LRRC27: variants seen among roughly 807,000 people sequenced by gnomAD.
LRRC27 encodes the protein leucine-rich repeat-containing protein 27.
In LRRC27, 57 loss-of-function variants were observed where a neutral mutation model predicts 55.0. The ratio of observed to expected loss-of-function variants is 1.04; its 90% CI spans 0.84 to 1.29. The LOEUF (loss-of-function observed/expected upper bound fraction) is 1.29. Ranked by LOEUF, LRRC27 falls within the 50% of genes most tolerant of loss-of-function variation. LRRC27 has a pLI of 0.00. For synonymous variants in LRRC27, 278 were observed against 251.9 expected, an observed-to-expected ratio of 1.10 and a Z score of -0.98; for missense variants, 721 against 651.5, an observed-to-expected ratio of 1.11 and a Z score of -1.16.
Position 132,374,301 on chromosome 10 carries a change from C to T in LRRC27, c.1417-765C>T, listed in dbSNP as rs1406430075. Reference sequence around the variant, plus strand: ...CACTGGAGGTAGTGTCCAACCTGTGCCCCCAGCAAGGCAAGCCGGGGAGGG... The same window carrying T: ...CACTGGAGGTAGTGTCCAACCTGTGTCCCCAGCAAGGCAAGCCGGGGAGGG... On this transcript the variant is annotated intron_variant, in intron 10 of 10. Coordinates refer to ENST00000368614, the MANE Select transcript of LRRC27 (RefSeq NM_030626.3). This position sits in a 1 kb window ranked among gnomAD's most constrained non-coding sequence, Gnocchi z 4.4. Among the ~76,000 whole-genome samples, 4 of 152,216 alleles carry T rather than the reference C, an allele frequency of 2.6e-5. No homozygotes were observed. The highest frequency in any genetic ancestry group is 1.3e-4 in the Admixed American group (2 of 15,298).
rs140669002 is a variant in LRRC27 at position 132,339,829 on chromosome 10, A to C, written c.341+2134A>C. 3.3e-3 allele frequency among the ~76,000 whole-genome samples: 499 copies of C among 152,304 alleles called. 5 individuals carry two copies. The highest frequency in any genetic ancestry group is 0.011 in the African/African-American group (473 of 41,548). On this transcript the variant is annotated intron_variant, in intron 3 of 10. Transcript: ENST00000368614. ...CCCATAACTACTCGTGTTTTCCCTA[A>C]AATAAGTGTACAGTCCTCAAAATTT...
At chr10:132,338,698 TTTTC>T (rs948242859) in intron 3 of LRRC27, among the ~76,000 whole-genome samples, 8 of 151,626 alleles carry the variant, frequency 5.3e-5, no homozygotes, top group Admixed American at 4.6e-4. Context: ...ACTCTTTTTC[TTTTC>T]TTTCTTTCTT....
chr10:132,338,208 C>G (rs1356933028), intron 3 of LRRC27, among the ~76,000 whole-genome samples: 1 of 152,064 alleles, frequency 6.6e-6, no homozygotes, highest in African/African-American at 2.4e-5. Flanking sequence ...CCCAGCTCCT[C>G]AGGAGGTTGA....
chr10:132,362,077 G>A (rs1024818898), intron 9 of LRRC27, among the ~76,000 whole-genome samples: 19 of 152,236 alleles, frequency 1.2e-4, no homozygotes, highest in Non-Finnish European at 2.5e-4. Flanking sequence ...GCCAGGCGTT[G>A]ACCCAGGTGA....
At chr10:132,337,101 T>C in intron 2 of LRRC27, 1 of 1,232,956 alleles carries the variant, frequency 8.1e-7, no homozygotes, top group Non-Finnish European at 1.0e-6. Flanking sequence ...GTCCCTGTCT[T>C]TTAGTTTCAT....
In LRRC27 at chr10:132,333,633, A is replaced by C; in HGVS notation, c.109A>C (p.Lys37Gln). 1 of 1,613,436 alleles carries C rather than the reference A, an allele frequency of 6.2e-7. No homozygotes were observed. Among genetic ancestry groups the C allele is most frequent in the Non-Finnish European group, 8.5e-7 (1 of 1,180,020 alleles). ...TGCCACCCCCTCCAAAGATGTTCAC[A>C]AGGGTGTTGGAGGCATCATCTTTTC... Reference protein sequence around the residue: ...LPATPSKDVHKGVGGIIFSSS... With the variant: ...LPATPSKDVHQGVGGIIFSSS... The change falls in exon 2 of 11, where the codon AAG becomes CAG. Residue 37 changes from lysine to glutamine, a missense_variant. Coordinates refer to ENST00000368614, the MANE Select transcript of LRRC27 (RefSeq NM_030626.3).
At chr10:132,338,602 C>G (rs7911982) in intron 3 of LRRC27, among the ~76,000 whole-genome samples, 181 of 151,994 alleles carry the variant, frequency 1.2e-3, no homozygotes, top group African/African-American at 4.2e-3. Flanking sequence ...ACTATGGAGA[C>G]GTCCTCCTTT....
chr10:132,331,182 C>T (rs1295296665), upstream of LRRC27, among the ~76,000 whole-genome samples: 1 of 91,192 alleles, frequency 1.1e-5, no homozygotes, highest in African/African-American at 4.4e-5. Flanking sequence ...GCCTGGGAGA[C>T]AAAGCAAGAC....
In LRRC27 at chr10:132,348,479, G is replaced by A. The variant is rs191939829; in HGVS notation, c.926+123G>A. 7.0e-5 allele frequency: 91 copies of A among 1,300,640 alleles called. 1 individual carries two copies. The African/African-American group carries it at 1.2e-3, about 18-fold the overall frequency. The allele number at this position is 1,300,640 out of a possible 1,614,324, so 80.6% of individuals were successfully genotyped here. A position where few individuals can be genotyped will look rare whatever the true frequency, so the allele number is the denominator to read the frequency against. ...GTCCTCCACGTTGCCACCGTTTACT[G>A]TGCAGTGAGTGCCGGTCCCAGGTTT... is the stretch of plus-strand genomic sequence containing the variant. On this transcript the variant is annotated intron_variant, in intron 6 of 10. Coordinates refer to ENST00000368614, the MANE Select transcript of LRRC27 (RefSeq NM_030626.3). The surrounding 1 kb of genome is among the most constrained non-coding windows in gnomAD (Gnocchi z 4.2).
In LRRC27 at chr10:132,372,526, C is replaced by G. The variant is rs1314597301; in HGVS notation, c.1417-2540C>G. On this transcript the variant is annotated intron_variant, in intron 10 of 10. Transcript: ENST00000368614. The surrounding 1 kb of genome is among the most constrained non-coding windows in gnomAD (Gnocchi z 4.0). The stretch of plus-strand genomic sequence containing the variant: ...GAGGTTGCAGTGAGCTGAGATGGCA[C>G]CATCGCACTCCAGCCTGGGCAACAA... 6.6e-6 allele frequency among the ~76,000 whole-genome samples: 1 copy of G among 152,206 alleles called. No homozygotes were observed. The highest frequency in any genetic ancestry group is 1.5e-5 in the Non-Finnish European group (1 of 68,036).
intron 4 of LRRC27, among the ~76,000 whole-genome samples, chr10:132,343,820 T>C (rs1328403794): frequency 6.6e-6 from 1 of 152,236 alleles, no homozygotes; most frequent in East Asian, 1.9e-4. Context: ...CTAGGGCCCC[T>C]GCAGTGCTTC....
Position 132,380,166 on chromosome 10 carries a change from C to T in LRRC27, c.*4924C>T, listed in dbSNP as rs1233735825. Among the ~76,000 whole-genome samples, 2 of 152,114 alleles carry T rather than the reference C, an allele frequency of 1.3e-5. No homozygotes were observed. The highest frequency in any genetic ancestry group is 4.8e-5 in the African/African-American group (2 of 41,400). On this transcript the variant is annotated 3_prime_UTR_variant, in exon 11 of 11. Coordinates refer to ENST00000368614, the MANE Select transcript of LRRC27 (RefSeq NM_030626.3). Reference sequence around the variant, plus strand: ...AAAAAATTAGCCAGGCATGGTGGCACATGCCTGTAACTCCAGCTACTTGGG... The same window carrying T: ...AAAAAATTAGCCAGGCATGGTGGCATATGCCTGTAACTCCAGCTACTTGGG...
In LRRC27 at chr10:132,348,873, C is replaced by A; in HGVS notation, c.926+517C>A. 1 of 833,694 alleles carries A rather than the reference C, an allele frequency of 1.2e-6. No homozygotes were observed. The highest frequency in any genetic ancestry group is 2.0e-6 in the Non-Finnish European group (1 of 512,448). The allele number at this position is 833,694 out of a possible 1,614,324, so 51.6% of individuals were successfully genotyped here. On this transcript the variant is annotated intron_variant, in intron 6 of 10. Transcript: ENST00000368614. The surrounding 1 kb of genome is among the most constrained non-coding windows in gnomAD (Gnocchi z 4.2). ...CAGCTGCCTGGGGACAAAAGGAAGG[C>A]AGTCATTGTGTGGCCCACTTCCAAA...
intron 1 of LRRC27, among the ~76,000 whole-genome samples, chr10:132,332,830 C>G (rs562109016): frequency 6.6e-6 from 1 of 152,088 alleles, no homozygotes; most frequent in African/African-American, 2.4e-5. Context: ...TGAACTGATG[C>G]ATTCCAACGT....
chr10:132,376,577 TG>T lies in LRRC27; in HGVS notation c.*1336del, dbSNP rs1179635404. On this transcript the variant is annotated 3_prime_UTR_variant, in exon 11 of 11. Coordinates refer to ENST00000368614, the MANE Select transcript of LRRC27 (RefSeq NM_030626.3). The stretch of plus-strand genomic sequence containing the variant: ...AGCCGTGGGTTGAGCTGCTCTCCTC[TG>T]AAGGTTTAACTGGGCTTGGGGCTCA... 1 of 152,382 alleles carries T rather than the reference TG, an allele frequency of 6.6e-6. No individual in the cohort carries two copies. Among genetic ancestry groups the T allele is most frequent in the Non-Finnish European group, 1.5e-5 (1 of 68,058 alleles). 9.4% of individuals were successfully genotyped at this position (152,382 alleles called of 1,614,324 possible).
rs556686629 is a variant in LRRC27 at position 132,336,774 on chromosome 10, ATC to A, written c.211-789_211-788del. The stretch of plus-strand genomic sequence containing the variant: ...TGGCTTTGAGATCATTGTTCCGAAC[ATC>A]TGTTTCTACTCCCTCAGGAAATACA... On this transcript the variant is annotated intron_variant, in intron 2 of 10. Transcript: ENST00000368614. The A allele has an allele frequency of 5.0e-4, 383 of 773,286 alleles. 3 individuals are homozygous for A. The African/African-American group carries it at 5.2e-3, about 11-fold the overall frequency. The allele number at this position is 773,286 out of a possible 1,614,324, so 47.9% of individuals were successfully genotyped here. A position where few individuals can be genotyped will look rare whatever the true frequency, so the allele number is the denominator to read the frequency against.
chr10:132,351,463 CTG>C (rs1313539884), intron 6 of LRRC27, 142 bp from the exon 7 acceptor site: 13 of 902,000 alleles, frequency 1.4e-5, no homozygotes, highest in South Asian at 3.2e-5. Flanking sequence ...AGACTGGACT[CTG>C]GGGTGACTGC....
At chr10:132,351,947 C>T (rs530933727) in intron 7 of LRRC27, among the ~76,000 whole-genome samples, 194 bp downstream of exon 7, 11 of 152,268 alleles carry the variant, frequency 7.2e-5, no homozygotes, top group South Asian at 2.1e-4. Flanking sequence ...GCGCCACGCA[C>T]GGGCTCGCTT....
chr10:132,361,606 C>T (rs762027722), intron 9 of LRRC27, 31 bp downstream of exon 9: 4 of 1,520,410 alleles, frequency 2.6e-6, no homozygotes, highest in South Asian at 2.2e-5. Flanking sequence ...CTCAGTCCTT[C>T]CAGGGCTCAG....
Sources: allele counts gnomAD v4.1 joint callset (sites outside exome capture counted in the v4.1 genomes callset), GRCh38; gene constraint gnomAD v4.1.1; non-coding constraint Gnocchi (gnomAD v3.1); transcripts MANE v1.5; gene names NCBI Gene and HGNC (gene_info 2026-07-23, HGNC 2026-07-21).